The following PATL2 variants were observed in gnomAD, a reference collection of about 807,000 sequenced individuals.
PATL2 encodes protein PAT1 homolog 2.
PATL2 carries 73 observed loss-of-function variants against 77.0 expected under a neutral mutation model. The observed-to-expected ratio is 0.95, with a 90% confidence interval of 0.78 to 1.15. The LOEUF (loss-of-function observed/expected upper bound fraction) is 1.15, where lower values mean the gene tolerates loss of function less well. Among genes scored for constraint, PATL2 ranks in the 50% most tolerant of loss-of-function variants. The pLI, the probability that PATL2 is intolerant of heterozygous loss-of-function variation, is 0.00. For synonymous variants in PATL2, 265 were observed against 257.1 expected, an observed-to-expected ratio of 1.03 and a Z score of -0.29; for missense variants, 618 against 655.4, an observed-to-expected ratio of 0.94 and a Z score of 0.62.
chr15:44,694,065 A>G (rs1401966234), intron 3 of PATL2, among the ~76,000 whole-genome samples: 7 of 152,226 alleles, frequency 4.6e-5, no homozygotes, highest in Non-Finnish European at 1.0e-4. Context: ...TCAATATTTT[A>G]TTACATTAAG....
In PATL2 at chr15:44,679,233, AT is replaced by A. The variant is rs111612498; in HGVS notation, c.-75-2669del. Reference sequence around the variant, plus strand: ...GCACACCACCATGCCTGGCCAATTAATTTTTTTTTTTTTTTGAGACAGAGTC... The same window carrying A: ...GCACACCACCATGCCTGGCCAATTAATTTTTTTTTTTTTTGAGACAGAGTC... On this transcript the variant is annotated intron_variant, in intron 3 of 17. Transcript: ENST00000682850. 2.7e-3 allele frequency among the ~76,000 whole-genome samples: 368 copies of A among 134,702 alleles called. 1 individual carries two copies. Among genetic ancestry groups the A allele is most frequent in the African/African-American group, 3.3e-3 (120 of 36,176 alleles). The allele number at this position is 134,702 out of a possible 152,430, so 88.4% of individuals were successfully genotyped here. A position where few individuals can be genotyped will look rare whatever the true frequency, so the allele number is the denominator to read the frequency against.
Position 44,710,173 on chromosome 15 carries a change from C to G in PATL2, c.-153G>C, listed in dbSNP as rs74773063. On this transcript the variant is annotated 5_prime_UTR_variant, in exon 3 of 18. Coordinates refer to ENST00000682850, the MANE Select transcript of PATL2 (RefSeq NM_001387263.1). ...AGGTCCATGGAGAGTATTGCATTTTCTTAGTTTAGGCATGGCCTCCACAAT... is the reference window on the plus strand; with the variant it reads ...AGGTCCATGGAGAGTATTGCATTTTGTTAGTTTAGGCATGGCCTCCACAAT... Among the ~76,000 whole-genome samples, 1 of 152,184 alleles carries G rather than the reference C, an allele frequency of 6.6e-6. No individual in the cohort carries two copies. The highest frequency in any genetic ancestry group is 1.5e-5 in the Non-Finnish European group (1 of 68,036).
intron 3 of PATL2, among the ~76,000 whole-genome samples, chr15:44,703,129 A>G (rs969271043): frequency 6.6e-6 from 1 of 152,134 alleles, no homozygotes; most frequent in Non-Finnish European, 1.5e-5. Flanking sequence ...CAAAAAAATT[A>G]GCTGGGCATG....
At chr15:44,674,273 G>A (rs1324510503) in intron 5 of PATL2, 43 bp from the exon 6 acceptor site, 2 of 1,407,058 alleles carry the variant, frequency 1.4e-6, no homozygotes, top group East Asian at 2.5e-5. Context: ...ATGGGCCCCT[G>A]TAGTGTCTTC....
At chr15:44,683,407 G>C (rs2086179573) in intron 3 of PATL2, among the ~76,000 whole-genome samples, 1 of 152,200 alleles carries the variant, frequency 6.6e-6, no homozygotes, top group Non-Finnish European at 1.5e-5. Context: ...GGTGGGGGGA[G>C]GGGCGTTTGC....
In PATL2 at chr15:44,680,551, C is replaced by T. The variant is rs141911449; in HGVS notation, c.-75-3986G>A. 2.1e-3 allele frequency among the ~76,000 whole-genome samples: 320 copies of T among 152,282 alleles called. 1 individual carries two copies. Among genetic ancestry groups the T allele is most frequent in the African/African-American group, 7.3e-3 (304 of 41,546 alleles). The stretch of plus-strand genomic sequence containing the variant: ...CAAGTCCAGACTCTCTTCCTGGATG[C>T]TTGGCCCTTCAGCCACTTTTCTCTG... On this transcript the variant is annotated intron_variant, in intron 3 of 17. Transcript: ENST00000682850.
chr15:44,677,592 C>T (rs1566858915), intron 3 of PATL2, among the ~76,000 whole-genome samples: 1 of 152,178 alleles, frequency 6.6e-6, no homozygotes, highest in African/African-American at 2.4e-5. Context: ...AACCCTCAAG[C>T]AACCCTGGGT....
Position 44,673,248 on chromosome 15 carries a change from G to T in PATL2, c.433C>A (p.Pro145Thr). 1 of 1,551,474 alleles carries T rather than the reference G, an allele frequency of 6.4e-7. No homozygotes were observed. The highest frequency in any genetic ancestry group is 1.4e-5 in the African/African-American group (1 of 73,150). ...TCAAACCAGTACCTGAACCTAGGGG[G>T]CCACGAGGTCAGCAGGCTGCAGAAG... The part of the protein sequence containing the change: ...TLFCSLLTSW[P>T]PRFSHLTQLH... The change falls in exon 7 of 18, where the codon CCC becomes ACC. Residue 145 changes from proline (P) to threonine (T), a missense_variant. Physicochemically the swap from Pro to Thr is conservative, Grantham distance 38 (BLOSUM62 -1). Coordinates refer to ENST00000682850, the MANE Select transcript of PATL2 (RefSeq NM_001387263.1).
chr15:44,678,010 G>GTATA (rs369397135), intron 3 of PATL2, among the ~76,000 whole-genome samples: 2 of 151,472 alleles, frequency 1.3e-5, no homozygotes, highest in African/African-American at 4.9e-5. Context: ...GCTAATTTTT[G>GTATA]TATATATATA....
At chr15:44,704,204 A>C (rs1238302331) in intron 3 of PATL2, among the ~76,000 whole-genome samples, 10 of 147,158 alleles carry the variant, frequency 6.8e-5, no homozygotes, top group Admixed American at 5.5e-4. Context: ...TAGAGACAGC[A>C]CTTTCACCAC....
chr15:44,711,054 A>G lies in PATL2; in HGVS notation c.-288T>C, dbSNP rs1303307667. The G allele has an allele frequency of 4.0e-6, 1 of 247,116 alleles. No individual in the cohort carries two copies. Among genetic ancestry groups the G allele is most frequent in the Non-Finnish European group, 8.2e-6 (1 of 122,312 alleles). 15.3% of individuals were successfully genotyped at this position (247,116 alleles called of 1,614,324 possible). ...GGAGAAACCCTGCAGGGAATTCCCA[A>G]GCTGTAGTTATAAACAGAAGTTCTC... On this transcript the variant is annotated 5_prime_UTR_variant, in exon 1 of 18. Coordinates refer to ENST00000682850, the MANE Select transcript of PATL2 (RefSeq NM_001387263.1).
At chr15:44,685,337 G>A (rs551379465) in intron 3 of PATL2, among the ~76,000 whole-genome samples, 11 of 152,150 alleles carry the variant, frequency 7.2e-5, no homozygotes, top group East Asian at 1.9e-4. Flanking sequence ...TGCCAGGCAC[G>A]GTGGCTCACG....
At chr15:44,674,573 A>C (rs1185759742) in intron 5 of PATL2, among the ~76,000 whole-genome samples, 2 of 152,042 alleles carry the variant, frequency 1.3e-5, no homozygotes, top group Non-Finnish European at 2.9e-5. Context: ...ATATTTAAAA[A>C]AAATTTTTTT....
chr15:44,674,186 C>A lies in PATL2; in HGVS notation c.267G>T (p.Leu89=), dbSNP rs1401333641. The A allele has an allele frequency of 2.6e-6, 4 of 1,551,028 alleles. No individual in the cohort carries two copies. Among genetic ancestry groups the A allele is most frequent in the Non-Finnish European group, 3.5e-6 (4 of 1,146,440 alleles). Residue 89 remains leucine, a synonymous_variant, in exon 6 of 18, where the codon CTG becomes CTT. Coordinates refer to ENST00000682850, the MANE Select transcript of PATL2 (RefSeq NM_001387263.1). The part of the protein sequence containing the change: ...SSPGVKAPGM[L]GMSLASLHFL... ...AATGCAAGGAGGCAAGTGACATTCC[C>A]AGCATACCAGGGGCCTTGACTCCAG...
Position 44,669,767 on chromosome 15 carries a change from G to C in PATL2, c.876+10C>G, listed in dbSNP as rs911274806. 2 of 1,551,400 alleles carry C rather than the reference G, an allele frequency of 1.3e-6. No homozygotes were observed. Among genetic ancestry groups the C allele is most frequent in the Non-Finnish European group, 1.7e-6 (2 of 1,146,726 alleles). Reference sequence around the variant, plus strand: ...GGAGAGAAAAATGTCTGGGAAGATAGTGCTCCCACCTGCTCTTGAGTTCCA... The same window carrying C: ...GGAGAGAAAAATGTCTGGGAAGATACTGCTCCCACCTGCTCTTGAGTTCCA... On this transcript the variant is annotated intron_variant, in intron 11 of 17. Coordinates refer to ENST00000682850, the MANE Select transcript of PATL2 (RefSeq NM_001387263.1).
intron 3 of PATL2, among the ~76,000 whole-genome samples, chr15:44,686,735 C>T (rs1338093435): frequency 6.6e-6 from 1 of 152,080 alleles, no homozygotes; most frequent in Admixed American, 6.6e-5. Context: ...CACCACTGAT[C>T]CCACAGAAAT....
Position 44,669,024 on chromosome 15 carries a change from T to C in PATL2, c.1180A>G (p.Thr394Ala). The C allele has an allele frequency of 6.4e-7, 1 of 1,550,804 alleles. No homozygotes were observed. The highest frequency in any genetic ancestry group is 1.2e-5 in the South Asian group (1 of 83,930). ...CGGACCAGGAGGGGCAGATGGTGGG[T>C]GATAGCCAAAAGAATGGTAACAGCC... ...DQAVTILLAI[T>A]HHLPLLVRRD... Residue 394 changes from threonine to alanine, a missense_variant, in exon 14 of 18, where the codon ACC becomes GCC. Thr to Ala is a moderately conservative substitution (Grantham distance 58). Transcript: ENST00000682850.
intron 3 of PATL2, among the ~76,000 whole-genome samples, chr15:44,692,966 C>G (rs1411761051): frequency 1.3e-5 from 2 of 152,236 alleles, no homozygotes. Flanking sequence ...GACCAGGGCT[C>G]CTGACCAAGC....
At chr15:44,677,539 T>C (rs77506401) in intron 3 of PATL2, among the ~76,000 whole-genome samples, 7,049 of 152,254 alleles carry the variant, frequency 0.046, 240 homozygotes, top group Non-Finnish European at 0.072. Context: ...AAAACATAGC[T>C]GCTCCTGGTA....
Sources: gnomAD v4.1 joint callset for allele counts (sites outside exome capture counted in the v4.1 genomes callset) on GRCh38, gnomAD v4.1.1 for gene constraint, MANE v1.5 for transcripts, NCBI Gene and HGNC (gene_info 2026-07-23, HGNC 2026-07-21) for gene names.